MTA3: variants seen among roughly 807,000 people sequenced by gnomAD.
MTA3 encodes metastasis-associated protein MTA3.
MTA3 carries 34 observed loss-of-function variants against 83.5 expected under a neutral mutation model. The observed-to-expected ratio is 0.41, with a 90% CI of 0.31 to 0.54. The LOEUF (loss-of-function observed/expected upper bound fraction) is 0.54. Among genes scored for constraint, MTA3 ranks in the 20% least tolerant of loss-of-function variants. The pLI, the probability that MTA3 is intolerant of heterozygous loss-of-function variation, is 0.33. For synonymous variants in MTA3, 303 were observed against 252.7 expected (o/e 1.20, Z -1.89); for missense variants, 761 against 726.4 (o/e 1.05, Z -0.55).
intron 14 of MTA3, among the ~76,000 whole-genome samples, chr2:42,717,487 T>G (rs903382670): frequency 1.3e-5 from 2 of 152,250 alleles, no homozygotes; most frequent in African/African-American, 4.8e-5. Context: ...GCACATCTAC[T>G]CTTCCAAATG....
At chr2:42,576,275 A>G (rs1679022303) in intron 2 of MTA3, among the ~76,000 whole-genome samples, 1 of 152,194 alleles carries the variant, frequency 6.6e-6, no homozygotes, top group South Asian at 2.1e-4. Flanking sequence ...GAACCTTGAC[A>G]TAGAGAATGA....
intron 3 of MTA3, among the ~76,000 whole-genome samples, chr2:42,583,556 T>C (rs1679908539): frequency 6.6e-6 from 1 of 152,162 alleles, no homozygotes; most frequent in Admixed American, 6.6e-5. Flanking sequence ...TTTTTTGAGA[T>C]AGAGTCTTGC....
intron 4 of MTA3, among the ~76,000 whole-genome samples, chr2:42,619,313 C>T (rs557535179): frequency 1.3e-5 from 2 of 152,248 alleles, no homozygotes; most frequent in African/African-American, 4.8e-5. Flanking sequence ...ACAAAGATTT[C>T]TTAAGATTGT....
In MTA3 at chr2:42,754,981, C is replaced by G; in HGVS notation, c.*1582C>G. ...GAGCATGGGATGTCTCCACCACCACCCACTCTTGGAGCTGTGCTGGGTCTT... is the reference window on the plus strand; with the variant it reads ...GAGCATGGGATGTCTCCACCACCACGCACTCTTGGAGCTGTGCTGGGTCTT... On this transcript the variant is annotated 3_prime_UTR_variant, in exon 17 of 17. Coordinates refer to ENST00000405094, the MANE Select transcript of MTA3 (RefSeq NM_001330442.2). 2 of 985,488 alleles carry G rather than the reference C, an allele frequency of 2.0e-6. No individual in the cohort carries two copies. Among genetic ancestry groups the G allele is most frequent in the Non-Finnish European group, 2.4e-6 (2 of 830,048 alleles). 61.0% of individuals were successfully genotyped at this position (985,488 alleles called of 1,614,324 possible). A position where few individuals can be genotyped will look rare whatever the true frequency, so the allele number is the denominator to read the frequency against.
intron 8 of MTA3, among the ~76,000 whole-genome samples, chr2:42,678,258 C>T (rs1691559834): frequency 1.3e-5 from 2 of 152,010 alleles, no homozygotes; most frequent in South Asian, 4.1e-4. Flanking sequence ...TGGCCAGTGG[C>T]CTTTGTTATG....
Position 42,750,799 on chromosome 2 carries a change from G to A in MTA3, c.1760-2575G>A, listed in dbSNP as rs1204524865. ...CTAGGCCTGAAACGGTTTTGTCCTC[G>A]TCAGAGAATAAATATCTCGACTGGT... On this transcript the variant is annotated intron_variant, in intron 16 of 16. Coordinates refer to ENST00000405094, the MANE Select transcript of MTA3 (RefSeq NM_001330442.2). Among the ~76,000 whole-genome samples, 34 of 152,146 alleles carry A rather than the reference G, an allele frequency of 2.2e-4. 1 individual carries two copies. The highest frequency in any genetic ancestry group is 2.2e-3 in the Admixed American group (33 of 15,258).
chr2:42,690,829 C>T (rs1267825728), intron 9 of MTA3, among the ~76,000 whole-genome samples: 1 of 150,516 alleles, frequency 6.6e-6, no homozygotes, highest in African/African-American at 2.4e-5. Context: ...CACACGCCAC[C>T]AACCCCAGCT....
chr2:42,529,687 G>A (rs1333772220), intron 2 of MTA3, among the ~76,000 whole-genome samples: 4 of 152,176 alleles, frequency 2.6e-5, no homozygotes, highest in African/African-American at 9.7e-5. Flanking sequence ...GACCAGCAGT[G>A]AGGTATTTGA....
intron 8 of MTA3, among the ~76,000 whole-genome samples, chr2:42,672,252 C>A (rs1045333144): frequency 6.6e-6 from 1 of 151,392 alleles, no homozygotes; most frequent in Non-Finnish European, 1.5e-5. Context: ...ATCACAGGTA[C>A]ATGGGAGGCT....
intron 8 of MTA3, among the ~76,000 whole-genome samples, chr2:42,675,425 G>C (rs916225629): frequency 6.6e-6 from 1 of 152,080 alleles, no homozygotes; most frequent in South Asian, 2.1e-4. Context: ...GTGAGCCACC[G>C]CACCCAGCCT....
At position 42,650,530 on chromosome 2, in the gene MTA3, C is replaced by T. The variant is rs539903228; in HGVS notation, c.500-5670C>T. Among the ~76,000 whole-genome samples the T allele has an allele frequency of 3.3e-3, 498 of 152,110 alleles. 3 individuals carry two copies. The highest frequency in any genetic ancestry group is 0.011 in the African/African-American group (474 of 41,494). Reference sequence around the variant, plus strand: ...TCTCGGTTCACTGCAAGCTCCGCCTCCCGGGTTCACGCCATTTTCCTGCCT... The same window carrying T: ...TCTCGGTTCACTGCAAGCTCCGCCTTCCGGGTTCACGCCATTTTCCTGCCT... On this transcript the variant is annotated intron_variant, in intron 6 of 16. Coordinates refer to ENST00000405094, the MANE Select transcript of MTA3 (RefSeq NM_001330442.2).
intron 2 of MTA3, among the ~76,000 whole-genome samples, chr2:42,544,211 G>C (rs1281041932): frequency 2.0e-5 from 3 of 152,096 alleles, no homozygotes; most frequent in African/African-American, 4.8e-5. Context: ...AGTTTGGGAG[G>C]CCAAAGCAGG....
At chr2:42,541,109 G>A (rs943419299) in intron 2 of MTA3, among the ~76,000 whole-genome samples, 2 of 150,402 alleles carry the variant, frequency 1.3e-5, no homozygotes, top group African/African-American at 2.5e-5. Context: ...TCAGCTCACC[G>A]CAACCTCCGC....
intron 4 of MTA3, among the ~76,000 whole-genome samples, chr2:42,624,673 C>T (rs1273027477): frequency 6.6e-6 from 1 of 152,180 alleles, no homozygotes; most frequent in African/African-American, 2.4e-5. Flanking sequence ...AGCTTCTCAA[C>T]TTTGTCAGAC....
chr2:42,517,789 G>T (rs1221004802), intron 2 of MTA3, among the ~76,000 whole-genome samples: 3 of 144,496 alleles, frequency 2.1e-5, no homozygotes, highest in African/African-American at 7.7e-5. Context: ...TGAGGCAGGA[G>T]AATTGCTTGA....
intron 4 of MTA3, among the ~76,000 whole-genome samples, chr2:42,628,623 ATAT>A (rs1174378199): frequency 6.6e-6 from 1 of 152,234 alleles, no homozygotes; most frequent in Non-Finnish European, 1.5e-5. Context: ...GAGACTGAAA[ATAT>A]TATTCCATTC....
chr2:42,532,815 GT>G, intron 2 of MTA3: 1 of 405,934 alleles, frequency 2.5e-6, no homozygotes, highest in Non-Finnish European at 4.9e-6. Context: ...CTTCCCATTG[GT>G]TCTCTCACAG....
At chr2:42,666,421 C>T (rs1332393303) in intron 8 of MTA3, among the ~76,000 whole-genome samples, 2 of 152,166 alleles carry the variant, frequency 1.3e-5, no homozygotes, top group African/African-American at 4.8e-5. Flanking sequence ...TGAGTTTTGC[C>T]TGGCCTCTGT....
intron 16 of MTA3, among the ~76,000 whole-genome samples, chr2:42,727,201 A>AAAAG (rs911316771): frequency 1.4e-4 from 21 of 152,102 alleles, no homozygotes; most frequent in Non-Finnish European, 1.9e-4. Flanking sequence ...CTGTCTCTTA[A>AAAAG]AAAGAAAGAA....
Sources: allele counts gnomAD v4.1 joint callset (sites outside exome capture counted in the v4.1 genomes callset), GRCh38; gene constraint gnomAD v4.1.1; transcripts MANE v1.5; gene names NCBI Gene and HGNC (gene_info 2026-07-23, HGNC 2026-07-21).